Variants in OTUD7B observed in about 807,000 individuals in gnomAD.
OTUD7B encodes OTU domain-containing protein 7B.
A neutral mutation model predicts 82.2 loss-of-function variants in OTUD7B; 34 were observed. The ratio of observed to expected loss-of-function variants is 0.41; its 90% CI spans 0.31 to 0.55. The LOEUF (loss-of-function observed/expected upper bound fraction) is 0.55. Ranked by LOEUF, OTUD7B falls within the 20% of genes least tolerant of loss-of-function variation. The probability of loss-of-function intolerance (pLI) is 0.20; values close to 1 mark genes in which losing one functional copy is unlikely to be tolerated. For synonymous variants in OTUD7B, 398 were observed against 402.7 expected (o/e 0.99, Z 0.14); for missense variants, 944 against 1,062.1 (o/e 0.89, Z 1.55).
chr1:149,997,256 CCTGA>C (rs1452459575), intron 1 of OTUD7B, among the ~76,000 whole-genome samples: 22 of 152,176 alleles, frequency 1.4e-4, no homozygotes, highest in African/African-American at 5.3e-4. Flanking sequence ...CTTAAATATG[CCTGA>C]CTATGTATTT....
chr1:150,010,854 C>G (rs1288223229), upstream of OTUD7B, among the ~76,000 whole-genome samples: 7 of 152,280 alleles, frequency 4.6e-5, no homozygotes, highest in South Asian at 1.0e-3. Context: ...GCGCCGCTCC[C>G]CAGGCTGCGG....
chr1:150,021,079 T>G, the OTUD7B span, among the ~76,000 whole-genome samples: 548 of 152,312 alleles, frequency 3.6e-3, 3 homozygotes, highest in African/African-American at 0.012. Flanking sequence ...TTTCTGTTAT[T>G]TTGAAGATTT....
chr1:149,961,299 G>A (rs1044940788), intron 6 of OTUD7B: 1 of 152,130 alleles, frequency 6.6e-6, no homozygotes, highest in African/African-American at 2.4e-5. Flanking sequence ...TCCCTTGGCA[G>A]ATCAACCACT....
At chr1:149,985,712 C>T (rs1651086619) in intron 1 of OTUD7B, among the ~76,000 whole-genome samples, 1 of 150,400 alleles carries the variant, frequency 6.6e-6, no homozygotes, top group Non-Finnish European at 1.5e-5. Flanking sequence ...GGCACCACTG[C>T]ACTCAGCCTG....
the OTUD7B span, among the ~76,000 whole-genome samples, chr1:150,015,959 A>T: frequency 1.3e-5 from 2 of 152,210 alleles, no homozygotes; most frequent in Non-Finnish European, 2.9e-5. Flanking sequence ...ATGAAAAGAA[A>T]GAATAAATTA....
Position 149,945,134 on chromosome 1 carries a change from T to G in OTUD7B, c.1324-69A>C, listed in dbSNP as rs377215162. The stretch of plus-strand genomic sequence containing the variant: ...GGGGTGGGGGAATCCCCCAGGGACC[T>G]CTAGCCCATCCATCTGGCTCAGGGA... On this transcript the variant is annotated intron_variant, in intron 11 of 11. Transcript: ENST00000581312. The G allele has an allele frequency of 5.0e-4, 764 of 1,533,600 alleles. 3 individuals carry two copies. In the African/African-American group the frequency reaches 9.1e-3, roughly 18 times the overall value. The allele number at this position is 1,533,600 out of a possible 1,614,324, so 95.0% of individuals were successfully genotyped here.
chr1:150,059,332 A>G, the OTUD7B span, among the ~76,000 whole-genome samples: 1 of 96,362 alleles, frequency 1.0e-5, no homozygotes, highest in East Asian at 3.4e-4. Context: ...TGCTGGGATT[A>G]CAGACATGAG....
intron 3 of OTUD7B, among the ~76,000 whole-genome samples, chr1:149,968,878 T>C (rs1305167781): frequency 4.3e-5 from 5 of 116,096 alleles, no homozygotes; most frequent in African/African-American, 2.2e-4. Context: ...ACCCAGCTAA[T>C]TTTTTTTTTT....
rs1382310330 is a variant in OTUD7B at position 149,941,736 on chromosome 1, C to T, written c.*2121G>A. On this transcript the variant is annotated 3_prime_UTR_variant, in exon 12 of 12. Transcript: ENST00000581312. ...AGTCCTGTCAGATCCTGTAAGATTT[C>T]GCTATTTTATCCAACATAAATTTTT... The T allele has an allele frequency of 2.6e-5, 4 of 152,136 alleles. No homozygotes were observed. Among genetic ancestry groups the T allele is most frequent in the Non-Finnish European group, 5.9e-5 (4 of 68,006 alleles). The allele number at this position is 152,136 out of a possible 1,614,324, so 9.4% of individuals were successfully genotyped here.
At chr1:150,048,070 G>C in the OTUD7B span, 1 of 151,658 alleles carries the variant, frequency 6.6e-6, no homozygotes, top group Non-Finnish European at 1.5e-5. Context: ...TTTAAGCCTT[G>C]ATGCCATCAC....
At chr1:150,051,901 C>A in the OTUD7B span, among the ~76,000 whole-genome samples, 4 of 152,144 alleles carry the variant, frequency 2.6e-5, no homozygotes, top group Admixed American at 1.3e-4. Context: ...AAACAGTGAT[C>A]TTGATTAAAT....
At chr1:149,998,057 C>G (rs911523849) in intron 1 of OTUD7B, among the ~76,000 whole-genome samples, 1 of 152,154 alleles carries the variant, frequency 6.6e-6, no homozygotes, top group Non-Finnish European at 1.5e-5. Context: ...CAGAAACCCA[C>G]CAAACCCAGC....
the OTUD7B span, among the ~76,000 whole-genome samples, chr1:150,025,472 A>AC: frequency 2.1e-5 from 3 of 145,036 alleles, no homozygotes; most frequent in Non-Finnish European, 4.6e-5. Flanking sequence ...CACACACACA[A>AC]ATAGACCTCA....
At chr1:150,062,951 T>G in the OTUD7B span, among the ~76,000 whole-genome samples, 1 of 151,620 alleles carries the variant, frequency 6.6e-6, no homozygotes, top group African/African-American at 2.4e-5. Context: ...TGACCTCAAG[T>G]GATCCACCCA....
At chr1:149,981,187 AT>A (rs1385469899) in intron 1 of OTUD7B, among the ~76,000 whole-genome samples, 2 of 152,076 alleles carry the variant, frequency 1.3e-5, no homozygotes, top group Non-Finnish European at 2.9e-5. Flanking sequence ...GTTTTCAACT[AT>A]TTGTTAACTG....
intron 6 of OTUD7B, among the ~76,000 whole-genome samples, chr1:149,960,731 G>A (rs1386225060): frequency 6.6e-6 from 1 of 151,662 alleles, no homozygotes; most frequent in Non-Finnish European, 1.5e-5. Flanking sequence ...ACTGGAGACT[G>A]CCACCTGCCC....
At chr1:149,996,170 A>G (rs1353176457) in intron 1 of OTUD7B, among the ~76,000 whole-genome samples, 12 of 152,250 alleles carry the variant, frequency 7.9e-5, no homozygotes, top group African/African-American at 2.9e-4. Context: ...AAAAGAAACA[A>G]GCAAACAACA....
intron 1 of OTUD7B, among the ~76,000 whole-genome samples, chr1:150,008,315 T>C (rs933626726): frequency 6.6e-6 from 1 of 152,214 alleles, no homozygotes; most frequent in Non-Finnish European, 1.5e-5. Flanking sequence ...AAAACAATTA[T>C]TGATCATCAA....
At chr1:149,970,927 C>G in intron 3 of OTUD7B, 136 bp downstream of exon 3, 3 of 691,696 alleles carry the variant, frequency 4.3e-6, no homozygotes, top group Non-Finnish European at 4.5e-6. Flanking sequence ...AGACTGAGGC[C>G]ACCTCAGTCT....
Sources: gnomAD v4.1 joint callset for allele counts (sites outside exome capture counted in the v4.1 genomes callset) on GRCh38, gnomAD v4.1.1 for gene constraint, MANE v1.5 for transcripts, NCBI Gene and HGNC (gene_info 2026-07-23, HGNC 2026-07-21) for gene names.